ANKMY1: variants seen among roughly 807,000 people sequenced by gnomAD.
ANKMY1 encodes ankyrin repeat and MYND domain containing 1.
Under a neutral mutation model 102.0 loss-of-function variants are expected in ANKMY1, and 98 were observed. The observed-to-expected ratio is 0.96, with a 90% confidence interval of 0.82 to 1.14. The LOEUF (loss-of-function observed/expected upper bound fraction) is 1.14, where lower values mean the gene tolerates loss of function less well. Among genes scored for constraint, ANKMY1 ranks in the 50% most tolerant of loss-of-function variants. The pLI is 0.00. For missense variants in ANKMY1, 1,330 were observed against 1,347.6 expected (o/e 0.99, Z 0.20); for synonymous variants, 582 against 559.9 (o/e 1.04, Z -0.56).
intron 8 of ANKMY1, chr2:240,521,816 A>C (rs1046731757): frequency 6.6e-6 from 1 of 152,138 alleles, no homozygotes; most frequent in Non-Finnish European, 1.5e-5. Flanking sequence ...CAGCTCTTAA[A>C]CATGGTGTGT....
At chr2:240,507,183 C>G (rs921973833) in intron 13 of ANKMY1, among the ~76,000 whole-genome samples, 1 of 152,064 alleles carries the variant, frequency 6.6e-6, no homozygotes, top group Non-Finnish European at 1.5e-5. Context: ...TTTGTCCTTT[C>G]TCCACTATTT....
At chr2:240,485,331 G>A (rs7587319) in intron 15 of ANKMY1, among the ~76,000 whole-genome samples, 119,061 of 147,452 alleles carry the variant, frequency 0.81, 48,116 homozygotes, top group East Asian at 0.99. Context: ...CCGTCTCAAA[G>A]AAAAAAAAAA....
intron 3 of ANKMY1, chr2:240,553,266 CCTCT>C (rs1454621272): frequency 1.7e-6 from 1 of 597,220 alleles, no homozygotes; most frequent in African/African-American, 1.9e-5. Flanking sequence ...AGCCAGGCTC[CCTCT>C]CTGTCTTCTC....
chr2:240,559,760 G>A (rs975796228), upstream of ANKMY1, among the ~76,000 whole-genome samples: 2 of 152,198 alleles, frequency 1.3e-5, no homozygotes, highest in African/African-American at 4.8e-5. Context: ...GCTCAAGAGT[G>A]AACCCCAGGC....
intron 9 of ANKMY1, among the ~76,000 whole-genome samples, chr2:240,515,931 A>AG (rs1215110210): frequency 6.7e-6 from 1 of 149,928 alleles, no homozygotes; most frequent in Non-Finnish European, 1.5e-5. Flanking sequence ...TCACCGTGTT[A>AG]GCCAGGATGG....
intron 5 of ANKMY1, among the ~76,000 whole-genome samples, chr2:240,528,300 C>A (rs1033773180): frequency 3.6e-5 from 5 of 138,292 alleles, no homozygotes; most frequent in East Asian, 4.3e-4. Flanking sequence ...CCCACCCCCC[C>A]CCCAAAAAAA....
Position 240,499,666 on chromosome 2 carries a change from C to T in ANKMY1, c.2806+292G>A, listed in dbSNP as rs537964487. The stretch of plus-strand genomic sequence containing the variant: ...AGACTGGCACTCCTGACAGGGCTCC[C>T]GCAGCAGTGCCTAGTTCTCTCCTGG... On this transcript the variant is annotated intron_variant, in intron 15 of 17. Transcript: ENST00000401804. This position sits in a 1 kb window ranked among gnomAD's most constrained non-coding sequence, Gnocchi z 4.2. Among the ~76,000 whole-genome samples, 3 of 152,136 alleles carry T rather than the reference C, an allele frequency of 2.0e-5. No individual in the cohort carries two copies. Among genetic ancestry groups the T allele is most frequent in the African/African-American group, 2.4e-5 (1 of 41,470 alleles).
chr2:240,499,820 G>T lies in ANKMY1; in HGVS notation c.2806+138C>A. 1 of 1,139,690 alleles carries T rather than the reference G, an allele frequency of 8.8e-7. No individual in the cohort carries two copies. Among genetic ancestry groups the T allele is most frequent in the Non-Finnish European group, 1.2e-6 (1 of 829,214 alleles). The allele number at this position is 1,139,690 out of a possible 1,614,324, so 70.6% of individuals were successfully genotyped here. A position where few individuals can be genotyped will look rare whatever the true frequency, so the allele number is the denominator to read the frequency against. ...GCTCCTTGGACGACGGGACACAAAG[G>T]GGACAAGCCGACGAGCCCAGCCCCA... On this transcript the variant is annotated intron_variant, in intron 15 of 17. Coordinates refer to ENST00000401804, the MANE Select transcript of ANKMY1 (RefSeq NM_001282771.3). This position sits in a 1 kb window ranked among gnomAD's most constrained non-coding sequence, Gnocchi z 4.2.
At chr2:240,515,946 T>C (rs187103242) in intron 9 of ANKMY1, among the ~76,000 whole-genome samples, 2 of 151,584 alleles carry the variant, frequency 1.3e-5, no homozygotes, top group East Asian at 1.9e-4. Context: ...GGATGGTCTC[T>C]ATCTCCTGAC....
chr2:240,538,494 G>T (rs145301421), intron 4 of ANKMY1, among the ~76,000 whole-genome samples: 1 of 152,130 alleles, frequency 6.6e-6, no homozygotes, highest in African/African-American at 2.4e-5. Flanking sequence ...TCAAATTCTC[G>T]TGGGGACTCA....
intron 9 of ANKMY1, among the ~76,000 whole-genome samples, chr2:240,513,837 G>A (rs1222179863): frequency 6.6e-6 from 1 of 152,268 alleles, no homozygotes; most frequent in African/African-American, 2.4e-5. Flanking sequence ...AGGGCCAGCA[G>A]CGTCCATACC....
downstream of ANKMY1, among the ~76,000 whole-genome samples, chr2:240,475,532 T>G (rs1189287290): frequency 2.0e-5 from 3 of 152,118 alleles, no homozygotes; most frequent in African/African-American, 7.2e-5. Context: ...CTTAAATACT[T>G]AAATAAAATA....
chr2:240,512,109 A>C (rs1575062690), intron 10 of ANKMY1, 108 bp from the exon 11 acceptor site: 2 of 1,293,408 alleles, frequency 1.5e-6, no homozygotes, highest in Non-Finnish European at 2.0e-6. Context: ...CTGGAGTCTC[A>C]CCCTGCGAAA....
the ANKMY1 span, among the ~76,000 whole-genome samples, chr2:240,473,778 C>T: frequency 6.6e-6 from 1 of 152,204 alleles, no homozygotes; most frequent in East Asian, 1.9e-4. Context: ...ATGGTCATCT[C>T]AATAGATACA....
At chr2:240,507,955 C>G (rs1343000920) in intron 12 of ANKMY1, 1 of 368,418 alleles carries the variant, frequency 2.7e-6, no homozygotes, top group Non-Finnish European at 4.9e-6. Context: ...CCAGTTCCAG[C>G]ACTTTCTCTG....
chr2:240,536,914 A>G (rs893127403), intron 4 of ANKMY1, among the ~76,000 whole-genome samples: 1 of 152,098 alleles, frequency 6.6e-6, no homozygotes, highest in African/African-American at 2.4e-5. Context: ...AAATAGAGAG[A>G]GGGTCTCACT....
At chr2:240,513,408 G>A (rs541152023) in intron 9 of ANKMY1, among the ~76,000 whole-genome samples, 9 of 152,368 alleles carry the variant, frequency 5.9e-5, no homozygotes, top group East Asian at 3.9e-4. Context: ...CAGCAGTGAC[G>A]CAGAGGTGTT....
intron 4 of ANKMY1, among the ~76,000 whole-genome samples, chr2:240,535,748 CAA>C (rs1214139038): frequency 6.6e-6 from 1 of 152,050 alleles, no homozygotes; most frequent in African/African-American, 2.4e-5. Flanking sequence ...GGAATTTGGG[CAA>C]GATTTTTAAA....
In ANKMY1 at chr2:240,529,625, C is replaced by A; in HGVS notation, c.481-116G>T. The A allele has an allele frequency of 9.8e-7, 1 of 1,025,134 alleles. No homozygotes were observed. Among genetic ancestry groups the A allele is most frequent in the Non-Finnish European group, 1.4e-6 (1 of 723,652 alleles). 63.5% of individuals were successfully genotyped at this position (1,025,134 alleles called of 1,614,324 possible). The stretch of plus-strand genomic sequence containing the variant: ...AGAAAACTTTCCCAAGAAATGCATG[C>A]ATTCAGCCAGTAAACATCTCTGGAG... On this transcript the variant is annotated intron_variant, in intron 4 of 17. Coordinates refer to ENST00000401804, the MANE Select transcript of ANKMY1 (RefSeq NM_001282771.3). This position sits in a 1 kb window ranked among gnomAD's most constrained non-coding sequence, Gnocchi z 4.2.
Sources: gnomAD v4.1 joint callset for allele counts (sites outside exome capture counted in the v4.1 genomes callset) on GRCh38, gnomAD v4.1.1 for gene constraint, Gnocchi (gnomAD v3.1) non-coding constraint, MANE v1.5 for transcripts, NCBI Gene and HGNC (gene_info 2026-07-23, HGNC 2026-07-21) for gene names.